Variants in PLD5 observed in about 807,000 individuals in gnomAD.
PLD5 encodes inactive phospholipase D5.
A neutral mutation model predicts 61.1 loss-of-function variants in PLD5; 36 were observed. That is an observed-to-expected ratio of 0.59 (90% CI 0.45 to 0.78). PLD5 has a LOEUF of 0.78. Ranked by LOEUF, PLD5 falls within the 30% of genes least tolerant of loss-of-function variation. PLD5 has a pLI of 0.00. For missense variants in PLD5, 515 were observed against 644.4 expected, an observed-to-expected ratio of 0.80 and a Z score of 2.17; for synonymous variants, 243 against 242.8, an observed-to-expected ratio of 1.00 and a Z score of -0.01.
intron 2 of PLD5, among the ~76,000 whole-genome samples, chr1:242,288,846 T>C (rs985634800): frequency 6.6e-6 from 1 of 152,202 alleles, no homozygotes; most frequent in Non-Finnish European, 1.5e-5. Context: ...ACAAGTACCT[T>C]CTTCTAGTAA....
intron 5 of PLD5, among the ~76,000 whole-genome samples, chr1:242,191,857 TAGG>T (rs1049454168): frequency 1.3e-5 from 2 of 150,780 alleles, no homozygotes; most frequent in Non-Finnish European, 3.0e-5. Flanking sequence ...TGGGGCGAAA[TAGG>T]AGGGTGGTTG....
chr1:242,345,497 T>C, intron 2 of PLD5: 1 of 746,888 alleles, frequency 1.3e-6, no homozygotes, highest in East Asian at 2.5e-5. Flanking sequence ...GCTAAAAACA[T>C]TGGCAAGGGA....
intron 1 of PLD5, among the ~76,000 whole-genome samples, chr1:242,490,574 C>A (rs1381393447): frequency 6.6e-6 from 1 of 152,142 alleles, no homozygotes; most frequent in Non-Finnish European, 1.5e-5. Flanking sequence ...TCCTCATTTG[C>A]TGCATCAAAA....
chr1:242,215,101 A>G (rs572075242), intron 5 of PLD5, among the ~76,000 whole-genome samples: 2,011 of 148,668 alleles, frequency 0.014, 47 homozygotes, highest in Admixed American at 0.044. Flanking sequence ...TGTTAACCAG[A>G]ATGGTCTTGA....
chr1:242,442,258 A>G (rs889835124), intron 1 of PLD5, among the ~76,000 whole-genome samples: 1 of 152,220 alleles, frequency 6.6e-6, no homozygotes, highest in Admixed American at 6.5e-5. Flanking sequence ...TAAACTTCAC[A>G]TACTCATTGT....
chr1:242,190,944 G>T (rs1427340003), intron 5 of PLD5, among the ~76,000 whole-genome samples: 1 of 152,090 alleles, frequency 6.6e-6, no homozygotes. Context: ...TCTGTGATAT[G>T]CCAGAGGAGA....
chr1:242,491,421 A>G (rs934969631), intron 1 of PLD5, among the ~76,000 whole-genome samples: 1 of 152,250 alleles, frequency 6.6e-6, no homozygotes, highest in African/African-American at 2.4e-5. Flanking sequence ...ACACAATTAC[A>G]TAGATGCCTT....
intron 5 of PLD5, among the ~76,000 whole-genome samples, chr1:242,217,372 C>T (rs1485092186): frequency 2.0e-5 from 3 of 152,180 alleles, no homozygotes; most frequent in Admixed American, 6.5e-5. Context: ...CTTGTAATCC[C>T]AGCACTTTGG....
At chr1:242,316,419 G>C (rs189034716) in intron 2 of PLD5, among the ~76,000 whole-genome samples, 1 of 152,032 alleles carries the variant, frequency 6.6e-6, no homozygotes, top group Non-Finnish European at 1.5e-5. Flanking sequence ...CATGGCTTTC[G>C]GTTGAGGCTG....
intron 5 of PLD5, among the ~76,000 whole-genome samples, chr1:242,148,774 A>C (rs976447460): frequency 6.6e-6 from 1 of 151,882 alleles, no homozygotes; most frequent in Admixed American, 6.6e-5. Flanking sequence ...TGCTCATGCT[A>C]TTGGTTGGGA....
At chr1:242,108,014 G>T (rs550133024) in intron 7 of PLD5, among the ~76,000 whole-genome samples, 175 bp from the exon 8 acceptor site, 4 of 152,264 alleles carry the variant, frequency 2.6e-5, no homozygotes, top group African/African-American at 9.6e-5. Context: ...TAGGCACCAA[G>T]AAATGATGAT....
chr1:242,284,753 G>A (rs923335081), intron 3 of PLD5, among the ~76,000 whole-genome samples: 19 of 152,164 alleles, frequency 1.2e-4, no homozygotes, highest in African/African-American at 4.6e-4. Context: ...AGAACCCTCC[G>A]AACATCATTG....
chr1:242,418,067 T>C (rs770908795), intron 1 of PLD5, among the ~76,000 whole-genome samples: 1 of 152,108 alleles, frequency 6.6e-6, no homozygotes, highest in African/African-American at 2.4e-5. Context: ...GGGAGAAACA[T>C]AATGTAGTTT....
At chr1:242,203,226 T>A (rs1399747158) in intron 5 of PLD5, among the ~76,000 whole-genome samples, 1 of 150,802 alleles carries the variant, frequency 6.6e-6, no homozygotes, top group Non-Finnish European at 1.5e-5. Context: ...ACCAATCACA[T>A]AGGATTCCTC....
intron 5 of PLD5, among the ~76,000 whole-genome samples, chr1:242,134,240 A>T (rs1410683497): frequency 6.6e-6 from 1 of 152,238 alleles, no homozygotes; most frequent in African/African-American, 2.4e-5. Context: ...ATGAAATAAT[A>T]GGTAGAACAA....
At chr1:242,442,922 A>T (rs533040295) in intron 1 of PLD5, among the ~76,000 whole-genome samples, 29 of 152,240 alleles carry the variant, frequency 1.9e-4, no homozygotes, top group Admixed American at 4.6e-4. Context: ...TTTAAACTTA[A>T]GTCGTAAACA....
intron 4 of PLD5, among the ~76,000 whole-genome samples, chr1:242,221,311 A>G (rs1407230630): frequency 2.0e-5 from 3 of 152,204 alleles, no homozygotes; most frequent in African/African-American, 7.2e-5. Flanking sequence ...ACCTATATGC[A>G]TATATTTAAT....
At chr1:242,311,253 T>C (rs1304987671) in intron 2 of PLD5, among the ~76,000 whole-genome samples, 1 of 152,194 alleles carries the variant, frequency 6.6e-6, no homozygotes, top group Non-Finnish European at 1.5e-5. Context: ...TTGCAGATAA[T>C]GGGTTGTGGT....
chr1:242,102,554 G>A (rs1660764677), intron 8 of PLD5, among the ~76,000 whole-genome samples: 1 of 152,222 alleles, frequency 6.6e-6, no homozygotes, highest in Non-Finnish European at 1.5e-5. Context: ...CCCTCATGGA[G>A]ATAAGCCCAC....
Sources: allele counts gnomAD v4.1 joint callset (sites outside exome capture counted in the v4.1 genomes callset), GRCh38; gene constraint gnomAD v4.1.1; transcripts MANE v1.5; gene names NCBI Gene and HGNC (gene_info 2026-07-23, HGNC 2026-07-21).